Variants in CSMD1 observed in about 807,000 individuals in gnomAD.
The protein encoded by CSMD1 is CUB and sushi domain-containing protein 1.
In CSMD1, 213 loss-of-function variants were observed where a neutral mutation model predicts 417.5. That is an observed-to-expected ratio of 0.51 (90% CI 0.46 to 0.57). The LOEUF is 0.57. CSMD1 is among the 20% of genes least tolerant of loss of function. CSMD1 has a pLI of 0.00. For missense variants in CSMD1, 6,923 were observed against 4,529.7 expected, an observed-to-expected ratio of 1.53 and a Z score of -15.17; for synonymous variants, 2,862 against 1,736.8, an observed-to-expected ratio of 1.65 and a Z score of -16.11.
chr8:3,087,357 G>C (rs1169131987), intron 48 of CSMD1, 72 bp from the exon 49 acceptor site: 14 of 1,475,840 alleles, frequency 9.5e-6, no homozygotes, highest in Middle Eastern at 2.0e-4. Context: ...GCCTTTGTGA[G>C]AGTCTATAAA....
intron 5 of CSMD1, among the ~76,000 whole-genome samples, chr8:3,926,079 C>G (rs1259994307): frequency 2.5e-5 from 2 of 81,374 alleles, no homozygotes; most frequent in Non-Finnish European, 4.6e-5. Context: ...CACACAAACA[C>G]CATACACACA....
Position 4,267,609 on chromosome 8 carries a change from G to C in CSMD1, c.415+152344C>G, listed in dbSNP as rs937720051. On this transcript the variant is annotated intron_variant, in intron 3 of 69. Coordinates refer to ENST00000635120, the MANE Select transcript of CSMD1 (RefSeq NM_033225.6). ...CATTCTTGGTTGGTAGAAAAAAATG[G>C]ACATTTATATTAAATATTAATAATT... Among the ~76,000 whole-genome samples the C allele has an allele frequency of 2.0e-5, 3 of 151,938 alleles. No homozygotes were observed. The East Asian group carries it at 5.8e-4, about 29-fold the overall frequency.
intron 1 of CSMD1, among the ~76,000 whole-genome samples, chr8:4,865,997 C>G (rs79080563): frequency 6.6e-6 from 1 of 151,782 alleles, no homozygotes; most frequent in Admixed American, 6.6e-5. Context: ...AACTTAATAG[C>G]AACATCTAAA....
chr8:4,249,580 A>C (rs1330185637), intron 3 of CSMD1, among the ~76,000 whole-genome samples: 1 of 152,158 alleles, frequency 6.6e-6, no homozygotes, highest in African/African-American at 2.4e-5. Flanking sequence ...TCTTAGCTTG[A>C]AGCTGTGTAT....
intron 7 of CSMD1, among the ~76,000 whole-genome samples, chr8:3,653,085 C>T (rs959704070): frequency 1.4e-4 from 22 of 152,204 alleles, no homozygotes; most frequent in African/African-American, 4.3e-4. Flanking sequence ...CATTCATCAA[C>T]GTCATGCTTC....
chr8:4,776,493 G>A (rs532924866), intron 1 of CSMD1, among the ~76,000 whole-genome samples: 2 of 152,216 alleles, frequency 1.3e-5, no homozygotes, highest in African/African-American at 4.8e-5. Flanking sequence ...TTGTGGTTAG[G>A]AACCAACAGC....
chr8:3,996,561 G>C (rs533348050), intron 5 of CSMD1, among the ~76,000 whole-genome samples: 4 of 152,016 alleles, frequency 2.6e-5, no homozygotes, highest in African/African-American at 9.6e-5. Context: ...CTCAGCTTTT[G>C]CTTCCATGAA....
intron 39 of CSMD1, among the ~76,000 whole-genome samples, chr8:3,156,960 G>A (rs1819573906): frequency 7.1e-6 from 1 of 140,066 alleles, no homozygotes; most frequent in South Asian, 2.3e-4. Context: ...AGAAATTTAA[G>A]GTAATACCCA....
chr8:4,120,101 G>A (rs927914374), intron 3 of CSMD1, among the ~76,000 whole-genome samples: 2 of 152,058 alleles, frequency 1.3e-5, no homozygotes, highest in Non-Finnish European at 1.5e-5. Context: ...TGAGGGGATG[G>A]ACACCCCATT....
chr8:3,282,037 C>G (rs757001787), intron 26 of CSMD1, among the ~76,000 whole-genome samples: 1 of 152,148 alleles, frequency 6.6e-6, no homozygotes, highest in South Asian at 2.1e-4. Context: ...TGTAAGTTTC[C>G]TGAGGCCCTC....
intron 2 of CSMD1, among the ~76,000 whole-genome samples, chr8:4,505,224 G>A (rs1318702884): frequency 1.3e-5 from 2 of 152,144 alleles, no homozygotes; most frequent in South Asian, 4.1e-4. Context: ...GTCTTGATTT[G>A]TAGAGAAAGT....
intron 23 of CSMD1, among the ~76,000 whole-genome samples, chr8:3,310,689 T>C (rs1252786536): frequency 1.3e-5 from 2 of 152,068 alleles, no homozygotes. Context: ...AACTTAAAAA[T>C]CTTTTTGAGG....
At chr8:3,241,688 C>T (rs1015305158) in intron 26 of CSMD1, among the ~76,000 whole-genome samples, 6 of 152,148 alleles carry the variant, frequency 3.9e-5, no homozygotes, top group African/African-American at 1.4e-4. Context: ...TAGCAAGCTC[C>T]TGGGGGAGGT....
chr8:4,613,206 G>T (rs1269646613), intron 2 of CSMD1, among the ~76,000 whole-genome samples: 1 of 152,178 alleles, frequency 6.6e-6, no homozygotes, highest in Non-Finnish European at 1.5e-5. Flanking sequence ...GTTGGTAAGA[G>T]AGAAAACAAT....
At chr8:3,009,024 T>C (rs1808180856) in intron 52 of CSMD1, among the ~76,000 whole-genome samples, 1 of 152,176 alleles carries the variant, frequency 6.6e-6, no homozygotes, top group Admixed American at 6.5e-5. Context: ...CTGTTTCACT[T>C]CTCCCGCAGA....
At chr8:4,306,765 C>T (rs939203588) in intron 3 of CSMD1, among the ~76,000 whole-genome samples, 4 of 152,062 alleles carry the variant, frequency 2.6e-5, no homozygotes, top group Non-Finnish European at 4.4e-5. Flanking sequence ...TGTTCTGGTG[C>T]GAGTCCACAG....
chr8:4,017,318 G>T (rs1796571263), intron 4 of CSMD1, among the ~76,000 whole-genome samples: 1 of 151,910 alleles, frequency 6.6e-6, no homozygotes, highest in African/African-American at 2.4e-5. Flanking sequence ...CTTTTTAGGG[G>T]AGGGAGGACA....
chr8:4,691,115 G>A (rs1375274747), intron 1 of CSMD1, among the ~76,000 whole-genome samples: 6 of 152,176 alleles, frequency 3.9e-5, no homozygotes, highest in Non-Finnish European at 7.3e-5. Flanking sequence ...CTTTATGACA[G>A]AATGAAATAG....
chr8:4,786,615 T>C lies in CSMD1; in HGVS notation c.86-149057A>G, dbSNP rs574839884. Among the ~76,000 whole-genome samples, 6 of 152,366 alleles carry C rather than the reference T, an allele frequency of 3.9e-5. No individual in the cohort carries two copies. The South Asian group carries it at 1.2e-3, about 32-fold the overall frequency. On this transcript the variant is annotated intron_variant, in intron 1 of 69. Transcript: ENST00000635120. ...TGAGGCATCAACATTCGTAAGATGA[T>C]GCTTGAATCTCTCTCTGATCTGAGC...
Sources: allele counts gnomAD v4.1 joint callset (sites outside exome capture counted in the v4.1 genomes callset), GRCh38; gene constraint gnomAD v4.1.1; transcripts MANE v1.5; gene names NCBI Gene and HGNC (gene_info 2026-07-23, HGNC 2026-07-21).